The following SLC35F3 variants were observed in gnomAD, a reference collection of about 807,000 sequenced individuals.
The protein encoded by SLC35F3 is solute carrier family 35 member F3.
Under a neutral mutation model 49.9 loss-of-function variants are expected in SLC35F3, and 25 were observed. The ratio of observed to expected loss-of-function variants is 0.50; its 90% CI spans 0.37 to 0.70. The LOEUF is 0.70. SLC35F3 is among the 30% of genes least tolerant of loss of function. The pLI is 0.00. For synonymous variants in SLC35F3, 275 were observed against 265.4 expected (o/e 1.04, Z -0.35); for missense variants, 525 against 639.8 (o/e 0.82, Z 1.94).
At position 234,045,451 on chromosome 1, in the gene SLC35F3, T is replaced by C. The variant is rs1480490365; in HGVS notation, c.283+139693T>C. ...ACAGTGGTGCTCTGAAGTAGGTGTA[T>C]TACTCTGTATAGTCCTTGCTTTGCA... On this transcript the variant is annotated intron_variant, in intron 2 of 7. Transcript: ENST00000366618. 2.0e-5 allele frequency among the ~76,000 whole-genome samples: 3 copies of C among 152,138 alleles called. No individual in the cohort carries two copies. The East Asian group carries it at 5.8e-4, about 29-fold the overall frequency.
At chr1:234,141,147 GT>G (rs1475593237) in intron 2 of SLC35F3, among the ~76,000 whole-genome samples, 3 of 152,144 alleles carry the variant, frequency 2.0e-5, no homozygotes, top group Non-Finnish European at 4.4e-5. Flanking sequence ...CATGCAGATG[GT>G]GTCCTCCCTG....
chr1:234,012,295 T>C (rs529796951), intron 2 of SLC35F3, among the ~76,000 whole-genome samples: 2 of 152,348 alleles, frequency 1.3e-5, no homozygotes, highest in East Asian at 1.9e-4. Context: ...CTGAGACATT[T>C]AGTTCCCAGG....
At chr1:234,017,606 C>T (rs906837313) in intron 2 of SLC35F3, among the ~76,000 whole-genome samples, 1 of 147,568 alleles carries the variant, frequency 6.8e-6, no homozygotes, top group Non-Finnish European at 1.5e-5. Flanking sequence ...CCCAGCTACT[C>T]GGGAGGCTGA....
intron 2 of SLC35F3, among the ~76,000 whole-genome samples, chr1:234,031,191 C>T (rs4612688): frequency 0.25 from 37,780 of 152,146 alleles, 9,655 homozygotes; most frequent in African/African-American, 0.64. Context: ...TTTCTGGGTG[C>T]AGATGGTCTT....
At chr1:234,072,444 CT>C (rs768044628) in intron 2 of SLC35F3, among the ~76,000 whole-genome samples, 4 of 152,288 alleles carry the variant, frequency 2.6e-5, no homozygotes, top group Admixed American at 6.5e-5. Flanking sequence ...AACCCTGGCC[CT>C]CCTTGGTAGA....
At chr1:234,063,747 A>G (rs1025737647) in intron 2 of SLC35F3, among the ~76,000 whole-genome samples, 3 of 152,160 alleles carry the variant, frequency 2.0e-5, no homozygotes, top group Non-Finnish European at 4.4e-5. Flanking sequence ...CACTCAGTCA[A>G]TACTGAAACA....
intron 2 of SLC35F3, among the ~76,000 whole-genome samples, chr1:234,217,963 G>A (rs1211086022): frequency 2.0e-5 from 3 of 152,204 alleles, no homozygotes; most frequent in African/African-American, 4.8e-5. Flanking sequence ...TGGTGCAGAG[G>A]GGAGGAGAGG....
Position 234,232,205 on chromosome 1 carries a change from C to T in SLC35F3, c.608+464C>T, listed in dbSNP as rs752065348. ...TCTTTCTAATCCCAAGACATGCCCC[C>T]CTTCGCGTATGTAATTGCATGGGTC... is the stretch of plus-strand genomic sequence containing the variant. On this transcript the variant is annotated intron_variant, in intron 3 of 7. Transcript: ENST00000366618. Among the ~76,000 whole-genome samples the T allele has an allele frequency of 3.0e-4, 46 of 152,250 alleles. 2 individuals are homozygous for T. The East Asian group carries it at 5.2e-3, about 17-fold the overall frequency.
At chr1:234,296,350 T>G (rs1668593292) in intron 3 of SLC35F3, among the ~76,000 whole-genome samples, 1 of 151,888 alleles carries the variant, frequency 6.6e-6, no homozygotes, top group African/African-American at 2.4e-5. Flanking sequence ...CCTCACTGGG[T>G]TAAGTGGACT....
chr1:233,932,065 T>A (rs1352243124), intron 2 of SLC35F3, among the ~76,000 whole-genome samples: 3 of 152,066 alleles, frequency 2.0e-5, no homozygotes, highest in Non-Finnish European at 4.4e-5. Context: ...ACACCACATA[T>A]TCTCACTCAT....
intron 3 of SLC35F3, among the ~76,000 whole-genome samples, chr1:234,259,835 A>C (rs1667875642): frequency 6.6e-6 from 1 of 152,116 alleles, no homozygotes; most frequent in Admixed American, 6.5e-5. Context: ...CATGAGCTAT[A>C]GATATCACTA....
intron 2 of SLC35F3, among the ~76,000 whole-genome samples, chr1:234,032,979 C>T (rs779430614): frequency 3.3e-5 from 5 of 151,954 alleles, no homozygotes; most frequent in African/African-American, 4.8e-5. Flanking sequence ...TATATTCCCA[C>T]GAACAGTGTA....
chr1:234,115,277 C>T (rs1218054551), intron 2 of SLC35F3, among the ~76,000 whole-genome samples: 1 of 152,180 alleles, frequency 6.6e-6, no homozygotes, highest in Non-Finnish European at 1.5e-5. Flanking sequence ...TATTGCTGCC[C>T]CTTTTACTCC....
chr1:234,080,358 C>G (rs1374248453), intron 2 of SLC35F3, among the ~76,000 whole-genome samples: 1 of 152,044 alleles, frequency 6.6e-6, no homozygotes, highest in Non-Finnish European at 1.5e-5. Context: ...ATGAAGTTAC[C>G]ATAGGACCCA....
intron 2 of SLC35F3, among the ~76,000 whole-genome samples, chr1:234,160,004 G>A (rs1666203922): frequency 6.6e-6 from 1 of 152,138 alleles, no homozygotes; most frequent in African/African-American, 2.4e-5. Context: ...AGACACAGAG[G>A]ACATTTTTCA....
chr1:233,994,218 C>T (rs1299110069), intron 2 of SLC35F3, among the ~76,000 whole-genome samples: 1 of 152,100 alleles, frequency 6.6e-6, no homozygotes, highest in Non-Finnish European at 1.5e-5. Flanking sequence ...ATCGTATGAG[C>T]CCTTACTATG....
chr1:233,964,283 G>A (rs570771882), intron 2 of SLC35F3, among the ~76,000 whole-genome samples: 8 of 152,304 alleles, frequency 5.3e-5, no homozygotes, highest in Non-Finnish European at 8.8e-5. Context: ...GATGTGAGGC[G>A]TGCTCAAAAT....
intron 2 of SLC35F3, among the ~76,000 whole-genome samples, chr1:234,216,848 G>A (rs991202585): frequency 6.6e-6 from 1 of 152,160 alleles, no homozygotes; most frequent in African/African-American, 2.4e-5. Context: ...CAAGCCCCCA[G>A]TTGCATTTTT....
chr1:234,201,407 G>A (rs1666898827), intron 2 of SLC35F3, among the ~76,000 whole-genome samples: 1 of 152,168 alleles, frequency 6.6e-6, no homozygotes, highest in Non-Finnish European at 1.5e-5. Context: ...TGTGCTTCAT[G>A]TTGTCCATCC....
Sources: gnomAD v4.1 joint callset for allele counts (sites outside exome capture counted in the v4.1 genomes callset) on GRCh38, gnomAD v4.1.1 for gene constraint, MANE v1.5 for transcripts, NCBI Gene and HGNC (gene_info 2026-07-23, HGNC 2026-07-21) for gene names.